The following SPATA6 variants were observed in gnomAD, a reference collection of about 807,000 sequenced individuals.
SPATA6 encodes the protein spermatogenesis associated 6.
Under a neutral mutation model 65.3 loss-of-function variants are expected in SPATA6, and 56 were observed. The ratio of observed to expected loss-of-function variants is 0.86; its 90% CI spans 0.69 to 1.07. SPATA6 has a LOEUF of 1.07. Ranked by LOEUF, SPATA6 falls within the 50% of genes least tolerant of loss-of-function variation. SPATA6 has a pLI of 0.00. For synonymous variants in SPATA6, 199 were observed against 213.2 expected, an observed-to-expected ratio of 0.93 and a Z score of 0.58; for missense variants, 590 against 594.8, an observed-to-expected ratio of 0.99 and a Z score of 0.08.
intron 11 of SPATA6, among the ~76,000 whole-genome samples, chr1:48,336,098 T>C (rs1646052088): frequency 6.6e-6 from 1 of 152,002 alleles, no homozygotes; most frequent in Admixed American, 6.6e-5. Context: ...CACACATCAG[T>C]CAGAATGGCT....
chr1:48,428,775 A>ATATGTGTGTGTGTGTGTG (rs374475889), intron 3 of SPATA6, among the ~76,000 whole-genome samples: 1 of 133,496 alleles, frequency 7.5e-6, no homozygotes, highest in Non-Finnish European at 1.6e-5. Flanking sequence ...AGGTGTATAT[A>ATATGTGTGTGTGTGTGTG]TGTGTGTGTG....
rs1417498628 is a variant in SPATA6 at position 48,452,991 on chromosome 1, C to A, written c.189+3G>T. The stretch of plus-strand genomic sequence containing the variant: ...TAATACTTGATCTGATATTTGAACT[C>A]ACCTTTTCAAACACCATTCTGGCAT... On this transcript the variant is annotated splice_donor_region_variant and intron_variant, in intron 2 of 12. Coordinates refer to ENST00000371847, the MANE Select transcript of SPATA6 (RefSeq NM_019073.4). 8 of 1,610,286 alleles carry A rather than the reference C, an allele frequency of 5.0e-6. No individual in the cohort carries two copies. The African/African-American group carries it at 1.1e-4, about 22-fold the overall frequency.
chr1:48,280,422 A>T, the SPATA6 span, among the ~76,000 whole-genome samples: 2 of 152,140 alleles, frequency 1.3e-5, no homozygotes, highest in African/African-American at 2.4e-5. Flanking sequence ...TCAACAAAAT[A>T]GATAGACTGC....
intron 11 of SPATA6, among the ~76,000 whole-genome samples, chr1:48,317,302 AT>A (rs1327460044): frequency 6.6e-6 from 1 of 152,226 alleles, no homozygotes; most frequent in African/African-American, 2.4e-5. Flanking sequence ...GATAGACTGG[AT>A]TAAGAAAATG....
chr1:48,425,121 G>C (rs950062646), intron 3 of SPATA6, among the ~76,000 whole-genome samples: 3 of 152,116 alleles, frequency 2.0e-5, no homozygotes, highest in Non-Finnish European at 4.4e-5. Context: ...TTCATAATTT[G>C]AGGTCTTAGA....
At chr1:48,295,273 C>CA (rs765663601), downstream of SPATA6, 9 of 152,170 alleles carry the variant, frequency 5.9e-5, no homozygotes, top group Admixed American at 3.3e-4. Context: ...TATGTCCACA[C>CA]AAAAAACTTG....
At chr1:48,437,866 G>A (rs1400729917) in intron 3 of SPATA6, among the ~76,000 whole-genome samples, 2 of 148,644 alleles carry the variant, frequency 1.3e-5, no homozygotes, top group African/African-American at 2.5e-5. Context: ...CATGCACCCC[G>A]TGGGAGCTCA....
At chr1:48,335,953 A>G (rs567676376) in intron 11 of SPATA6, among the ~76,000 whole-genome samples, 1 of 152,290 alleles carries the variant, frequency 6.6e-6, no homozygotes, top group East Asian at 1.9e-4. Context: ...GAACAATCCC[A>G]TTAAAAAGTG....
the SPATA6 span, among the ~76,000 whole-genome samples, chr1:48,268,308 G>A: frequency 2.5e-5 from 1 of 39,710 alleles, no homozygotes; most frequent in Non-Finnish European, 6.5e-5. Flanking sequence ...AAAAATATGT[G>A]TGTGTGTGTG....
At chr1:48,317,088 A>G (rs1370139039) in intron 11 of SPATA6, among the ~76,000 whole-genome samples, 1 of 152,236 alleles carries the variant, frequency 6.6e-6, no homozygotes, top group Non-Finnish European at 1.5e-5. Context: ...TGGGACTGTA[A>G]ACTAGTTCAA....
chr1:48,363,114 G>A (rs911262807), intron 9 of SPATA6, among the ~76,000 whole-genome samples: 11 of 152,132 alleles, frequency 7.2e-5, no homozygotes, highest in African/African-American at 2.7e-4. Context: ...CAGCTTGAAT[G>A]TATTCCTTCC....
chr1:48,281,934 T>C, the SPATA6 span, among the ~76,000 whole-genome samples: 2 of 152,122 alleles, frequency 1.3e-5, no homozygotes, highest in Non-Finnish European at 2.9e-5. Context: ...CTTCAAACTA[T>C]ACTACAAGGT....
chr1:48,306,928 G>A (rs1645075459), intron 11 of SPATA6, among the ~76,000 whole-genome samples: 1 of 151,198 alleles, frequency 6.6e-6, no homozygotes, highest in Non-Finnish European at 1.5e-5. Context: ...TAACTTATTT[G>A]GTCTACTATT....
At chr1:48,391,619 CTCACCACCAATTAG>C (rs916776499) in intron 8 of SPATA6, among the ~76,000 whole-genome samples, 3 of 152,014 alleles carry the variant, frequency 2.0e-5, no homozygotes, top group Non-Finnish European at 4.4e-5. Flanking sequence ...TTTAATCACC[CTCACCACCAATTAG>C]TCACAAACTA....
chr1:48,446,795 G>T (rs930533326), intron 3 of SPATA6, among the ~76,000 whole-genome samples: 4 of 152,058 alleles, frequency 2.6e-5, no homozygotes, highest in Non-Finnish European at 5.9e-5. Flanking sequence ...CAATCAGAAT[G>T]CACAAGACTT....
rs369283249 is a variant in SPATA6 at position 48,346,218 on chromosome 1, G to A, written c.1194+9452C>T. On this transcript the variant is annotated intron_variant, in intron 11 of 12. Transcript: ENST00000371847. ...ATGTGATTCATCACATAAACAGAAA[G>A]ACAAAAACCACATGATTATCTCAAT... Among the ~76,000 whole-genome samples the A allele has an allele frequency of 3.3e-5, 5 of 151,184 alleles. 1 individual carries two copies. The highest frequency in any genetic ancestry group is 1.2e-4 in the African/African-American group (5 of 40,934).
chr1:48,434,522 AG>A (rs1654707243), intron 3 of SPATA6, among the ~76,000 whole-genome samples: 1 of 152,182 alleles, frequency 6.6e-6, no homozygotes, highest in African/African-American at 2.4e-5. Context: ...CATTGACCAA[AG>A]AGGGGTGCTG....
chr1:48,337,697 T>A (rs988314176), intron 11 of SPATA6, among the ~76,000 whole-genome samples: 58 of 152,042 alleles, frequency 3.8e-4, no homozygotes, highest in African/African-American at 1.4e-3. Flanking sequence ...GTAAATTATA[T>A]TCATCATACC....
At chr1:48,325,890 C>A (rs1285441595) in intron 11 of SPATA6, 1 of 342,630 alleles carries the variant, frequency 2.9e-6, no homozygotes, top group Non-Finnish European at 5.9e-6. Flanking sequence ...TCCTCAGATG[C>A]TTGTGGTAGG....
Sources: gnomAD v4.1 joint callset for allele counts (sites outside exome capture counted in the v4.1 genomes callset) on GRCh38, gnomAD v4.1.1 for gene constraint, MANE v1.5 for transcripts, NCBI Gene and HGNC (gene_info 2026-07-23, HGNC 2026-07-21) for gene names.